PRKDC: variants seen among roughly 807,000 people sequenced by gnomAD.
PRKDC encodes the protein DNA-dependent protein kinase catalytic subunit.
PRKDC carries 82 observed loss-of-function variants against 486.9 expected under a neutral mutation model. The ratio of observed to expected loss-of-function variants is 0.17; its 90% CI spans 0.14 to 0.20. The LOEUF is 0.20. PRKDC is among the 10% of genes least tolerant of loss of function. The pLI is 1.00. For missense variants in PRKDC, 4,504 were observed against 5,038.2 expected (o/e 0.89, Z 3.21); for synonymous variants, 1,895 against 1,837.0 (o/e 1.03, Z -0.81).
Position 47,774,136 on chromosome 8 carries a change from C to T in PRKDC, c.*37G>A, listed in dbSNP as rs2086564503. 1.3e-6 allele frequency: 2 copies of T among 1,528,158 alleles called. No homozygotes were observed. The highest frequency in any genetic ancestry group is 1.8e-6 in the Non-Finnish European group (2 of 1,134,560). 94.7% of individuals were successfully genotyped at this position (1,528,158 alleles called of 1,614,324 possible). A position where few individuals can be genotyped will look rare whatever the true frequency, so the allele number is the denominator to read the frequency against. ...ACCAAAGTATAGTAGATTCTTTAAACAATGTAATGCTTTCTATCTGCAGAC... is the reference window on the plus strand; with the variant it reads ...ACCAAAGTATAGTAGATTCTTTAAATAATGTAATGCTTTCTATCTGCAGAC... On this transcript the variant is annotated 3_prime_UTR_variant, in exon 86 of 86. Coordinates refer to ENST00000314191, the MANE Select transcript of PRKDC (RefSeq NM_006904.7).
At chr8:47,830,280 G>A (rs1452692629) in intron 61 of PRKDC, among the ~76,000 whole-genome samples, 1 of 152,190 alleles carries the variant, frequency 6.6e-6, no homozygotes, top group Non-Finnish European at 1.5e-5. Flanking sequence ...ACAATCCACT[G>A]ATTCCTGAGT....
chr8:47,785,570 C>CA (rs2086776999), intron 76 of PRKDC, among the ~76,000 whole-genome samples: 1 of 151,854 alleles, frequency 6.6e-6, no homozygotes, highest in South Asian at 2.1e-4. Context: ...CCCAACTCTA[C>CA]AAAAAATAAA....
intron 73 of PRKDC, 146 bp downstream of exon 73, chr8:47,798,091 T>C: frequency 1.2e-6 from 1 of 834,074 alleles, no homozygotes; most frequent in Non-Finnish European, 1.7e-6. Context: ...TTAAATTACC[T>C]ATGTCCTCAG....
At chr8:47,898,265 C>T (rs1459592154) in intron 29 of PRKDC, among the ~76,000 whole-genome samples, 1 of 152,146 alleles carries the variant, frequency 6.6e-6, no homozygotes, top group Non-Finnish European at 1.5e-5. Flanking sequence ...GATCAAATAC[C>T]TTATACCTTA....
At chr8:47,825,608 T>C (rs989111102) in intron 63 of PRKDC, among the ~76,000 whole-genome samples, 3 of 151,834 alleles carry the variant, frequency 2.0e-5, no homozygotes, top group African/African-American at 7.3e-5. Flanking sequence ...TTAATACAGT[T>C]AGAAAAAAAT....
intron 16 of PRKDC, among the ~76,000 whole-genome samples, chr8:47,931,253 G>A (rs1479684780): frequency 6.6e-6 from 1 of 152,204 alleles, no homozygotes; most frequent in Non-Finnish European, 1.5e-5. Context: ...ACACAACTGT[G>A]TATTCAAATT....
chr8:47,896,349 G>C (rs1407928945), intron 30 of PRKDC, among the ~76,000 whole-genome samples: 1 of 151,894 alleles, frequency 6.6e-6, no homozygotes, highest in Non-Finnish European at 1.5e-5. Context: ...AAAAAGCCCA[G>C]ACAGAACTCC....
At chr8:47,958,596 C>T (rs1460861934) in intron 1 of PRKDC, among the ~76,000 whole-genome samples, 1 of 152,048 alleles carries the variant, frequency 6.6e-6, no homozygotes, top group African/African-American at 2.4e-5. Flanking sequence ...AGTTACTAAA[C>T]GAACAAAAAT....
At chr8:47,857,134 T>G (rs540872808) in intron 49 of PRKDC, 22 bp downstream of exon 49, 86 of 1,608,748 alleles carry the variant, frequency 5.3e-5, no homozygotes, top group Non-Finnish European at 7.0e-5. Context: ...TATATTAACA[T>G]AAAAGATGCA....
intron 73 of PRKDC, among the ~76,000 whole-genome samples, chr8:47,797,032 A>G (rs563775348): frequency 1.2e-4 from 18 of 152,210 alleles, no homozygotes; most frequent in Admixed American, 3.3e-4. Flanking sequence ...TGATACTTTT[A>G]AGGTGTCTTT....
At chr8:47,830,920 A>T (rs1465645961) in intron 60 of PRKDC, among the ~76,000 whole-genome samples, 184 bp from the exon 61 acceptor site, 1 of 152,130 alleles carries the variant, frequency 6.6e-6, no homozygotes, top group Admixed American at 6.5e-5. Flanking sequence ...AAATAAAATC[A>T]CTACACAACA....
At chr8:47,947,655 T>TC (rs1360237609) in intron 7 of PRKDC, among the ~76,000 whole-genome samples, 2 of 152,296 alleles carry the variant, frequency 1.3e-5, no homozygotes, top group Admixed American at 6.5e-5. Flanking sequence ...ATGCCTGTAA[T>TC]CCCGGCACTT....
At chr8:47,830,805 T>A in intron 60 of PRKDC, 69 bp from the exon 61 acceptor site, 2 of 1,592,760 alleles carry the variant, frequency 1.3e-6, no homozygotes, top group Non-Finnish European at 1.7e-6. Context: ...GCATGAGCTA[T>A]GAGGCTGCCA....
In PRKDC at chr8:47,807,326, T is replaced by G; in HGVS notation, c.9558A>C (p.Arg3186=). 1.3e-6 allele frequency: 2 copies of G among 1,541,876 alleles called. No individual in the cohort carries two copies. Among genetic ancestry groups the G allele is most frequent in the Non-Finnish European group, 1.7e-6 (2 of 1,142,860 alleles). Reference sequence around the variant, plus strand: ...CCTCTATTTTGCTGAGAAAGAAACATCTACACAAAGAAAAATGAGACAATG... The same window carrying G: ...CCTCTATTTTGCTGAGAAAGAAACAGCTACACAAAGAAAAATGAGACAATG... ...MNIWDDIITN[R]CFFLSKIEEK... The change falls in exon 69 of 86, where the codon CGA becomes CGC. Residue 3186 remains arginine (R), a splice_region_variant and synonymous_variant. Coordinates refer to ENST00000314191, the MANE Select transcript of PRKDC (RefSeq NM_006904.7).
chr8:47,846,428 A>AG (rs1259682437), intron 54 of PRKDC, among the ~76,000 whole-genome samples: 6 of 151,808 alleles, frequency 4.0e-5, no homozygotes, highest in Non-Finnish European at 8.8e-5. Flanking sequence ...AAAAAAAAAA[A>AG]AAAGAAAAAG....
At chr8:47,954,671 T>C (rs1487726710) in intron 4 of PRKDC, among the ~76,000 whole-genome samples, 1 of 152,190 alleles carries the variant, frequency 6.6e-6, no homozygotes, top group Non-Finnish European at 1.5e-5. Context: ...GAGATGGGTA[T>C]GGTGGAAGAA....
rs8178123 is a variant in PRKDC, at chr8:47,864,294, G to A, written c.5571+262C>T. On this transcript the variant is annotated intron_variant, in intron 41 of 85. Coordinates refer to ENST00000314191, the MANE Select transcript of PRKDC (RefSeq NM_006904.7). ...TCTTCCCTGAGTTCCCAGAGTGAGC[G>A]TGGCCCTGACAACACTGTGATGTCA... is the stretch of plus-strand genomic sequence containing the variant. Among the ~76,000 whole-genome samples, 25 of 152,276 alleles carry A rather than the reference G, an allele frequency of 1.6e-4. No individual in the cohort carries two copies. In the East Asian group the frequency reaches 4.4e-3, roughly 27 times the overall value.
intron 76 of PRKDC, among the ~76,000 whole-genome samples, chr8:47,785,903 G>C (rs1309501766): frequency 6.6e-6 from 1 of 151,810 alleles, no homozygotes; most frequent in South Asian, 2.1e-4. Context: ...TCAGGAGTTC[G>C]AGACAAGCCT....
intron 34 of PRKDC, 81 bp downstream of exon 34, chr8:47,888,436 AC>A: frequency 8.0e-7 from 1 of 1,245,024 alleles, no homozygotes; most frequent in Non-Finnish European, 1.1e-6. Context: ...TACATAAAGG[AC>A]TTTTAAGAAA....
Sources: gnomAD v4.1 joint callset for allele counts (sites outside exome capture counted in the v4.1 genomes callset) on GRCh38, gnomAD v4.1.1 for gene constraint, MANE v1.5 for transcripts, NCBI Gene and HGNC (gene_info 2026-07-23, HGNC 2026-07-21) for gene names.